The following SEMA6D variants were observed in gnomAD, a reference collection of about 807,000 sequenced individuals.
SEMA6D encodes semaphorin-6D.
A neutral mutation model predicts 106.6 loss-of-function variants in SEMA6D; 35 were observed. That is an observed-to-expected ratio of 0.33 (90% CI 0.25 to 0.44). SEMA6D has a LOEUF of 0.44. Ranked by LOEUF, SEMA6D falls within the 20% of genes least tolerant of loss-of-function variation. SEMA6D has a pLI of 1.00. For synonymous variants in SEMA6D, 499 were observed against 487.7 expected, an observed-to-expected ratio of 1.02 and a Z score of -0.31; for missense variants, 1,185 against 1,345.9, an observed-to-expected ratio of 0.88 and a Z score of 1.87.
chr15:47,753,386 A>G (rs1445312637), intron 1 of SEMA6D, among the ~76,000 whole-genome samples: 15 of 152,188 alleles, frequency 9.9e-5, no homozygotes, highest in Admixed American at 9.8e-4. Context: ...GAGTTCATCC[A>G]AGGTTACGAC....
chr15:47,510,693 A>G (rs2044199656), intron 3 of SEMA6D, among the ~76,000 whole-genome samples: 1 of 152,210 alleles, frequency 6.6e-6, no homozygotes, highest in Non-Finnish European at 1.5e-5. Context: ...GCCACAGGAA[A>G]TCAGGAAGAG....
intron 1 of SEMA6D, among the ~76,000 whole-genome samples, chr15:47,724,339 T>C (rs2079604017): frequency 6.6e-6 from 1 of 152,220 alleles, no homozygotes. Flanking sequence ...AAGAGGAGCA[T>C]CACACAATTC....
At chr15:47,424,053 A>T (rs2041254503) in intron 2 of SEMA6D, among the ~76,000 whole-genome samples, 1 of 152,104 alleles carries the variant, frequency 6.6e-6, no homozygotes, top group Non-Finnish European at 1.5e-5. Context: ...ACTTTATTAA[A>T]TTTTAAATAG....
chr15:47,259,032 T>C (rs1186385905), intron 1 of SEMA6D, among the ~76,000 whole-genome samples: 1 of 152,146 alleles, frequency 6.6e-6, no homozygotes, highest in African/African-American at 2.4e-5. Flanking sequence ...TTACAGTATA[T>C]ATATGTGATT....
chr15:47,511,316 C>A (rs2141783279), intron 3 of SEMA6D, among the ~76,000 whole-genome samples: 1 of 152,300 alleles, frequency 6.6e-6, no homozygotes, highest in Middle Eastern at 3.4e-3. Context: ...GAAAAAGCTT[C>A]AACTTTCCAG....
intron 1 of SEMA6D, among the ~76,000 whole-genome samples, chr15:47,321,559 T>C (rs1317504709): frequency 6.6e-6 from 1 of 152,140 alleles, no homozygotes; most frequent in Non-Finnish European, 1.5e-5. Context: ...TAGAAGAATA[T>C]GTACATTTTT....
intron 4 of SEMA6D, among the ~76,000 whole-genome samples, chr15:47,676,188 G>A (rs1019598982): frequency 5.9e-5 from 9 of 152,116 alleles, no homozygotes; most frequent in African/African-American, 2.2e-4. Context: ...AGCTCTTCCA[G>A]GATCTGTGTA....
At chr15:47,569,346 G>A (rs1302727976) in intron 3 of SEMA6D, among the ~76,000 whole-genome samples, 1 of 152,074 alleles carries the variant, frequency 6.6e-6, no homozygotes, top group Non-Finnish European at 1.5e-5. Flanking sequence ...AATCATGCAA[G>A]TTTCTAGGGG....
chr15:47,267,417 T>C (rs2034369270), intron 1 of SEMA6D, among the ~76,000 whole-genome samples: 1 of 152,042 alleles, frequency 6.6e-6, no homozygotes, highest in Non-Finnish European at 1.5e-5. Context: ...CTTTGACTGT[T>C]TTGCATCCTG....
At chr15:47,347,850 T>C (rs1193919326) in intron 1 of SEMA6D, among the ~76,000 whole-genome samples, 3 of 152,212 alleles carry the variant, frequency 2.0e-5, no homozygotes, top group Non-Finnish European at 2.9e-5. Flanking sequence ...ATTAACTTGG[T>C]GTGGTATTAA....
At chr15:47,480,042 G>A (rs957181537) in intron 3 of SEMA6D, among the ~76,000 whole-genome samples, 1 of 149,492 alleles carries the variant, frequency 6.7e-6, no homozygotes, top group Admixed American at 6.7e-5. Flanking sequence ...TTTTTTGGTA[G>A]ATATGGGGTC....
chr15:47,526,732 T>C (rs1191273498), intron 3 of SEMA6D, among the ~76,000 whole-genome samples: 1 of 152,072 alleles, frequency 6.6e-6, no homozygotes, highest in African/African-American at 2.4e-5. Context: ...GAACCAATAA[T>C]TATTATTATT....
At chr15:47,554,805 A>G (rs964687684) in intron 3 of SEMA6D, among the ~76,000 whole-genome samples, 2 of 152,058 alleles carry the variant, frequency 1.3e-5, no homozygotes, top group African/African-American at 4.8e-5. Context: ...ATTTTCTCTA[A>G]TAAGCCCACT....
At chr15:47,305,371 A>G (rs2036193604) in intron 1 of SEMA6D, among the ~76,000 whole-genome samples, 1 of 152,216 alleles carries the variant, frequency 6.6e-6, no homozygotes, top group South Asian at 2.1e-4. Context: ...GCAATGTGGC[A>G]TTGACTATTT....
In SEMA6D at chr15:47,763,850, G is replaced by A. The variant is rs768687924; in HGVS notation, c.748G>A (p.Ala250Thr). Residue 250 changes from alanine to threonine, a missense_variant and splice_region_variant, in exon 10 of 19, where the codon GCT (alanine) becomes ACT (threonine). This residue lies in a region of SEMA6D where 291 missense variants were observed against 423.8 expected (regional missense o/e 0.69). Coordinates refer to ENST00000536845, the MANE Select transcript of SEMA6D (RefSeq NM_001358351.3). ...IAVEHNNLGK[A>T]VYSRVARICK... ...TGCTTTGCTTCTATCCGTTGGGCAG[G>A]CTGTGTATTCCCGCGTGGCCCGCAT... is the stretch of plus-strand genomic sequence containing the variant. The A allele has an allele frequency of 1.2e-6, 2 of 1,612,416 alleles. No individual in the cohort carries two copies. The highest frequency in any genetic ancestry group is 3.3e-5 in the Admixed American group (2 of 59,992).
At chr15:47,651,180 C>T (rs76575054) in intron 4 of SEMA6D, among the ~76,000 whole-genome samples, 2,077 of 152,202 alleles carry the variant, frequency 0.014, 45 homozygotes, top group African/African-American at 0.048. Flanking sequence ...GAGGCTGAGG[C>T]ATGGGAGTCG....
At chr15:47,203,159 G>A (rs543379917) in intron 1 of SEMA6D, among the ~76,000 whole-genome samples, 1 of 152,188 alleles carries the variant, frequency 6.6e-6, no homozygotes, top group South Asian at 2.1e-4. Flanking sequence ...GACTCAGAAG[G>A]CAATACCCCC....
chr15:47,650,678 C>G (rs142240442), intron 4 of SEMA6D, among the ~76,000 whole-genome samples: 18 of 152,196 alleles, frequency 1.2e-4, no homozygotes, highest in Non-Finnish European at 2.6e-4. Context: ...TCTAGTTCCC[C>G]TATAGAGAAT....
intron 4 of SEMA6D, among the ~76,000 whole-genome samples, chr15:47,684,783 G>A (rs1038180755): frequency 7.9e-5 from 12 of 152,132 alleles, no homozygotes; most frequent in African/African-American, 2.7e-4. Context: ...ATCACAATTA[G>A]CATGAGTTTC....
Sources: gnomAD v4.1 joint callset for allele counts (sites outside exome capture counted in the v4.1 genomes callset) on GRCh38, gnomAD v4.1.1 for gene constraint, gnomAD v4.1.1 regional missense constraint, MANE v1.5 for transcripts, NCBI Gene and HGNC (gene_info 2026-07-23, HGNC 2026-07-21) for gene names.